The following ZSWIM6 variants were observed in gnomAD, a reference collection of about 807,000 sequenced individuals.
The protein encoded by ZSWIM6 is zinc finger SWIM domain-containing protein 6.
In ZSWIM6, 9 loss-of-function variants were observed where a neutral mutation model predicts 113.2. The ratio of observed to expected loss-of-function variants is 0.08; its 90% CI spans 0.05 to 0.14. The LOEUF is 0.14. Among genes scored for constraint, ZSWIM6 ranks in the 10% least tolerant of loss-of-function variants. The pLI is 1.00. For synonymous variants in ZSWIM6, 611 were observed against 606.5 expected (o/e 1.01, Z -0.11); for missense variants, 1,162 against 1,552.2 (o/e 0.75, Z 4.22).
intron 10 of ZSWIM6, among the ~76,000 whole-genome samples, chr5:61,537,661 AAGG>A (rs1223406509): frequency 1.3e-5 from 2 of 152,196 alleles, no homozygotes; most frequent in East Asian, 3.8e-4. Context: ...TCCTAAATAA[AAGG>A]AGAAGAGAAT....
chr5:61,335,273 C>A (rs1744368810), intron 1 of ZSWIM6, among the ~76,000 whole-genome samples: 1 of 152,274 alleles, frequency 6.6e-6, no homozygotes. Context: ...ACGTGCTAAA[C>A]AAGTGCTATA....
chr5:61,333,693 C>T (rs1418220470), intron 1 of ZSWIM6, among the ~76,000 whole-genome samples: 3 of 152,086 alleles, frequency 2.0e-5, no homozygotes, highest in East Asian at 3.9e-4. Context: ...ACATCTCGCC[C>T]GTAGGACGCT....
At chr5:61,413,355 T>C (rs866227523) in intron 1 of ZSWIM6, among the ~76,000 whole-genome samples, 5 of 152,152 alleles carry the variant, frequency 3.3e-5, no homozygotes, top group Middle Eastern at 3.4e-3. Context: ...CATGAACTCA[T>C]CATTTTTTAT....
chr5:61,383,762 G>A (rs976670795), intron 1 of ZSWIM6, among the ~76,000 whole-genome samples: 1 of 151,444 alleles, frequency 6.6e-6, no homozygotes, highest in Non-Finnish European at 1.5e-5. Flanking sequence ...GGTCAGGCTG[G>A]TCTCGAACTC....
chr5:61,483,578 T>C (rs1747935209), intron 2 of ZSWIM6, among the ~76,000 whole-genome samples: 1 of 151,956 alleles, frequency 6.6e-6, no homozygotes, highest in South Asian at 2.1e-4. Flanking sequence ...TTTAAAAATA[T>C]ATAATAGTGT....
intron 4 of ZSWIM6, among the ~76,000 whole-genome samples, chr5:61,518,560 T>C (rs1237975111): frequency 1.3e-5 from 2 of 152,230 alleles, no homozygotes; most frequent in Non-Finnish European, 2.9e-5. Flanking sequence ...CATTTTTTCA[T>C]GTGTTTTTTG....
chr5:61,528,743 A>G (rs534030550), intron 7 of ZSWIM6, among the ~76,000 whole-genome samples: 1 of 151,952 alleles, frequency 6.6e-6, no homozygotes, highest in East Asian at 1.9e-4. Flanking sequence ...ACCCACCACC[A>G]CGGCCAGCTA....
At chr5:61,333,797 A>T (rs1744324401) in intron 1 of ZSWIM6, among the ~76,000 whole-genome samples, 1 of 151,874 alleles carries the variant, frequency 6.6e-6, no homozygotes, top group African/African-American at 2.4e-5. Flanking sequence ...GCCGCGGCGC[A>T]GCCCTTGTGC....
intron 1 of ZSWIM6, among the ~76,000 whole-genome samples, chr5:61,434,769 A>T (rs948580316): frequency 5.3e-5 from 8 of 152,164 alleles, no homozygotes; most frequent in African/African-American, 1.4e-4. Context: ...AAGTGAATAG[A>T]CTTAGTTTTT....
intron 1 of ZSWIM6, among the ~76,000 whole-genome samples, chr5:61,437,710 C>T (rs1394133647): frequency 7.9e-6 from 1 of 126,750 alleles, no homozygotes; most frequent in African/African-American, 3.0e-5. Flanking sequence ...GAACCAGACC[C>T]TTTCTCCAAA....
intron 2 of ZSWIM6, among the ~76,000 whole-genome samples, chr5:61,483,654 G>A (rs1747938484): frequency 6.6e-6 from 1 of 150,996 alleles, no homozygotes; most frequent in South Asian, 2.1e-4. Context: ...AGATCACAAG[G>A]TCAGGAGACT....
chr5:61,336,495 C>T (rs1344046550), intron 1 of ZSWIM6, among the ~76,000 whole-genome samples: 1 of 152,130 alleles, frequency 6.6e-6, no homozygotes, highest in Non-Finnish European at 1.5e-5. Flanking sequence ...CAGTGAGTCG[C>T]GCTTGTAATC....
At chr5:61,537,749 G>A (rs575084654) in intron 10 of ZSWIM6, among the ~76,000 whole-genome samples, 1 of 152,232 alleles carries the variant, frequency 6.6e-6, no homozygotes, top group Admixed American at 6.5e-5. Context: ...AGACCCAGCT[G>A]ACTCTTCTTG....
At chr5:61,532,399 T>C (rs1019738649) in intron 9 of ZSWIM6, among the ~76,000 whole-genome samples, 2 of 152,226 alleles carry the variant, frequency 1.3e-5, no homozygotes, top group Non-Finnish European at 2.9e-5. Context: ...GTAAATGTAA[T>C]TCATGTGGTA....
intron 1 of ZSWIM6, among the ~76,000 whole-genome samples, chr5:61,416,920 C>T (rs28610339): frequency 2.0e-5 from 3 of 152,066 alleles, no homozygotes; most frequent in African/African-American, 4.8e-5. Context: ...TGGATCACCT[C>T]GGTCAGTGAT....
chr5:61,391,656 C>A, intron 1 of ZSWIM6: 1 of 994,190 alleles, frequency 1.0e-6, no homozygotes. Flanking sequence ...CAGCCTCTAT[C>A]ACTTCCTTCT....
intron 2 of ZSWIM6, among the ~76,000 whole-genome samples, chr5:61,481,440 T>C (rs1416785346): frequency 6.6e-6 from 1 of 152,046 alleles, no homozygotes; most frequent in Non-Finnish European, 1.5e-5. Flanking sequence ...ATACTTTTAA[T>C]TATTAAGATC....
chr5:61,475,542 C>T (rs1678246255), intron 2 of ZSWIM6, among the ~76,000 whole-genome samples: 1 of 152,168 alleles, frequency 6.6e-6, no homozygotes, highest in Non-Finnish European at 1.5e-5. Flanking sequence ...TGTATAGGAA[C>T]AGCTTCTCCA....
chr5:61,348,037 C>T (rs10073626), intron 1 of ZSWIM6, among the ~76,000 whole-genome samples: 5,422 of 152,014 alleles, frequency 0.036, 335 homozygotes, highest in African/African-American at 0.12. Context: ...CTGGCTAACA[C>T]GGTGAAACCC....
Sources: allele counts gnomAD v4.1 joint callset (sites outside exome capture counted in the v4.1 genomes callset), GRCh38; gene constraint gnomAD v4.1.1; transcripts MANE v1.5; gene names NCBI Gene and HGNC (gene_info 2026-07-23, HGNC 2026-07-21).